ATP6V1C2: variants seen among roughly 807,000 people sequenced by gnomAD.
ATP6V1C2 encodes the protein ATPase H+ transporting V1 subunit C2.
In ATP6V1C2, 45 loss-of-function variants were observed where a neutral mutation model predicts 56.8. The ratio of observed to expected loss-of-function variants is 0.79; its 90% CI spans 0.62 to 1.02. The LOEUF is 1.02. ATP6V1C2 is among the 50% of genes least tolerant of loss of function. The probability of loss-of-function intolerance (pLI) is 0.00; values close to 1 mark genes in which losing one functional copy is unlikely to be tolerated. For synonymous variants in ATP6V1C2, 220 were observed against 201.3 expected, an observed-to-expected ratio of 1.09 and a Z score of -0.79; for missense variants, 463 against 519.7, an observed-to-expected ratio of 0.89 and a Z score of 1.06.
chr2:10,740,198 A>G (rs1558393756), intron 3 of ATP6V1C2, among the ~76,000 whole-genome samples: 1 of 152,210 alleles, frequency 6.6e-6, no homozygotes, highest in Admixed American at 6.6e-5. Flanking sequence ...TTGTTTTCCA[A>G]TGAAGTTAGA....
chr2:10,730,988 TG>T (rs1039282051), intron 3 of ATP6V1C2, among the ~76,000 whole-genome samples: 15 of 150,302 alleles, frequency 1.0e-4, no homozygotes, highest in Non-Finnish European at 1.6e-4. Flanking sequence ...GGTCTTGCTC[TG>T]TCGCCAGCCT....
At chr2:10,764,170 G>C (rs796550987) in intron 4 of ATP6V1C2, among the ~76,000 whole-genome samples, 161 bp from the exon 5 acceptor site, 2 of 152,170 alleles carry the variant, frequency 1.3e-5, no homozygotes. Flanking sequence ...CCCCGCTCCC[G>C]CAGGGAACGT....
chr2:10,746,690 A>C (rs1270772644), intron 3 of ATP6V1C2, among the ~76,000 whole-genome samples: 1 of 152,118 alleles, frequency 6.6e-6, no homozygotes, highest in African/African-American at 2.4e-5. Context: ...GGTTACAGAC[A>C]TGAGCCACCC....
In ATP6V1C2 at chr2:10,764,498, C is replaced by T. The variant is rs530080474; in HGVS notation, c.378+73C>T. On this transcript the variant is annotated intron_variant, in intron 5 of 13. Coordinates refer to ENST00000272238, the MANE Select transcript of ATP6V1C2 (RefSeq NM_001039362.2). ...GGGCAAGAGCCTGGGTAGGGCCCCC[C>T]TGCCAACAGCCTCAGCCTGTCCTGA... The T allele has an allele frequency of 2.3e-6, 3 of 1,286,048 alleles. No individual in the cohort carries two copies. The East Asian group carries it at 7.0e-5, about 30-fold the overall frequency. The allele number at this position is 1,286,048 out of a possible 1,614,324, so 79.7% of individuals were successfully genotyped here. A position where few individuals can be genotyped will look rare whatever the true frequency, so the allele number is the denominator to read the frequency against.
chr2:10,721,755 G>T, intron 1 of ATP6V1C2, 24 bp downstream of exon 1: 1 of 152,302 alleles, frequency 6.6e-6, no homozygotes, highest in South Asian at 2.0e-4. Context: ...GCGGAGCGGG[G>T]ACCCGAGGCA....
At chr2:10,735,996 G>A (rs1662223741) in intron 3 of ATP6V1C2, among the ~76,000 whole-genome samples, 1 of 152,186 alleles carries the variant, frequency 6.6e-6, no homozygotes, top group South Asian at 2.1e-4. Flanking sequence ...TTGCTGGCCT[G>A]AAGACCACAT....
intron 5 of ATP6V1C2, among the ~76,000 whole-genome samples, chr2:10,766,519 C>G (rs1174811782): frequency 3.3e-5 from 5 of 152,144 alleles, no homozygotes; most frequent in African/African-American, 1.2e-4. Context: ...CCAAATACCT[C>G]TCAGCAATTT....
At chr2:10,738,528 C>T (rs992857038) in intron 3 of ATP6V1C2, among the ~76,000 whole-genome samples, 3 of 152,182 alleles carry the variant, frequency 2.0e-5, no homozygotes, top group Non-Finnish European at 4.4e-5. Flanking sequence ...CTGCCCCGGT[C>T]CTTCAGGGAC....
intron 4 of ATP6V1C2, among the ~76,000 whole-genome samples, chr2:10,761,366 A>G (rs4539765): frequency 0.67 from 101,845 of 151,832 alleles, 35,295 homozygotes; most frequent in East Asian, 0.9. Flanking sequence ...TGCCTGTGCA[A>G]TGGGGTCCTG....
chr2:10,736,818 T>C (rs1270795648), intron 3 of ATP6V1C2, among the ~76,000 whole-genome samples: 3 of 141,218 alleles, frequency 2.1e-5, no homozygotes, highest in Admixed American at 1.4e-4. Flanking sequence ...TTTTTTTTTT[T>C]TTCTGACAAG....
intron 4 of ATP6V1C2, among the ~76,000 whole-genome samples, chr2:10,759,796 G>A (rs1236697617): frequency 6.6e-6 from 1 of 152,102 alleles, no homozygotes; most frequent in Non-Finnish European, 1.5e-5. Context: ...GAGACATTTA[G>A]TCAAAGGAGA....
At chr2:10,775,791 G>A (rs982637584) in intron 10 of ATP6V1C2, among the ~76,000 whole-genome samples, 11 of 152,350 alleles carry the variant, frequency 7.2e-5, no homozygotes, top group African/African-American at 2.6e-4. Flanking sequence ...AACTTGGAAG[G>A]AGCCTGTCTG....
chr2:10,773,834 G>C (rs1664784558), intron 8 of ATP6V1C2, among the ~76,000 whole-genome samples: 1 of 152,218 alleles, frequency 6.6e-6, no homozygotes. Flanking sequence ...GGCCCCTGCT[G>C]GGGGACGGGG....
chr2:10,781,854 A>C (rs780515690), intron 12 of ATP6V1C2, among the ~76,000 whole-genome samples: 3 of 152,244 alleles, frequency 2.0e-5, no homozygotes, highest in African/African-American at 7.2e-5. Context: ...GAAAATAGTA[A>C]CAATCTTGAT....
chr2:10,728,434 T>C lies in ATP6V1C2; in HGVS notation c.197+1865T>C, dbSNP rs1442533889. On this transcript the variant is annotated intron_variant, in intron 3 of 13. Coordinates refer to ENST00000272238, the MANE Select transcript of ATP6V1C2 (RefSeq NM_001039362.2). ...AGCATATATTCTGCATCTTGCATTT[T>C]AGTTAAATAACGTATCTTAGAGGTA... Among the ~76,000 whole-genome samples the C allele has an allele frequency of 2.0e-5, 3 of 152,328 alleles. No individual in the cohort carries two copies. In the East Asian group the frequency reaches 5.8e-4, roughly 29 times the overall value.
rs542654286 is a variant in ATP6V1C2 at position 10,754,144 on chromosome 2, A to G, written c.283+78A>G. ...CCAGAGTCGTCCTTGCTGTGGCCACACAGCAATCACCGAGATGGCCCAGGT... is the reference window on the plus strand; with the variant it reads ...CCAGAGTCGTCCTTGCTGTGGCCACGCAGCAATCACCGAGATGGCCCAGGT... On this transcript the variant is annotated intron_variant, in intron 4 of 13. Coordinates refer to ENST00000272238, the MANE Select transcript of ATP6V1C2 (RefSeq NM_001039362.2). 1.1e-5 allele frequency: 14 copies of G among 1,250,392 alleles called. No homozygotes were observed. In the East Asian group the frequency reaches 3.0e-4, roughly 27 times the overall value. 77.5% of individuals were successfully genotyped at this position (1,250,392 alleles called of 1,614,324 possible).
Position 10,784,946 on chromosome 2 carries a change from G to A in ATP6V1C2, c.*1683G>A. On this transcript the variant is annotated 3_prime_UTR_variant, in exon 14 of 14. Coordinates refer to ENST00000272238, the MANE Select transcript of ATP6V1C2 (RefSeq NM_001039362.2). The stretch of plus-strand genomic sequence containing the variant: ...CCCGGGCACTCACCTCGCCATCCCT[G>A]CCGTCCCAAGGCTCTCTCTCAACGA... 1.3e-6 allele frequency: 2 copies of A among 1,584,876 alleles called. No homozygotes were observed. Among genetic ancestry groups the A allele is most frequent in the Admixed American group, 1.8e-5 (1 of 56,694 alleles).
rs563166194 is a variant in ATP6V1C2, at chr2:10,768,645, G to A, written c.379-74G>A. 72 of 1,176,264 alleles carry A rather than the reference G, an allele frequency of 6.1e-5. No homozygotes were observed. The African/African-American group carries it at 9.3e-4, about 15-fold the overall frequency. 72.9% of individuals were successfully genotyped at this position (1,176,264 alleles called of 1,614,324 possible). ...TTTCTTGAAAGCACCATGAGCTGTT[G>A]TGGCCATTTCAAAAAGTTCAGCCAA... On this transcript the variant is annotated intron_variant, in intron 5 of 13. Coordinates refer to ENST00000272238, the MANE Select transcript of ATP6V1C2 (RefSeq NM_001039362.2).
intron 13 of ATP6V1C2, 56 bp from the exon 14 acceptor site, chr2:10,783,118 G>A: frequency 7.1e-7 from 1 of 1,416,374 alleles, no homozygotes. Context: ...AAACTAAAAG[G>A]ATAAGACAGG....
Sources: allele counts gnomAD v4.1 joint callset (sites outside exome capture counted in the v4.1 genomes callset), GRCh38; gene constraint gnomAD v4.1.1; transcripts MANE v1.5; gene names NCBI Gene and HGNC (gene_info 2026-07-23, HGNC 2026-07-21).